The following CYTH1 variants were observed in gnomAD, a reference collection of about 807,000 sequenced individuals.
The protein encoded by CYTH1 is cytohesin 1.
In CYTH1, 18 loss-of-function variants were observed where a neutral mutation model predicts 61.8. That is an observed-to-expected ratio of 0.29 (90% CI 0.20 to 0.43). The LOEUF (loss-of-function observed/expected upper bound fraction) is 0.43. Ranked by LOEUF, CYTH1 falls within the 20% of genes least tolerant of loss-of-function variation. The probability of loss-of-function intolerance (pLI) is 1.00; values close to 1 mark genes in which losing one functional copy is unlikely to be tolerated. For missense variants in CYTH1, 336 were observed against 510.5 expected, an observed-to-expected ratio of 0.66 and a Z score of 3.29; for synonymous variants, 174 against 184.3, an observed-to-expected ratio of 0.94 and a Z score of 0.45.
chr17:78,690,124 CTG>C (rs2092863634), intron 11 of CYTH1, among the ~76,000 whole-genome samples: 1 of 151,900 alleles, frequency 6.6e-6, no homozygotes, highest in African/African-American at 2.4e-5. Flanking sequence ...AGCATCCTCT[CTG>C]TGTCTTAAGA....
At chr17:78,714,214 C>T (rs2093161857) in intron 1 of CYTH1, among the ~76,000 whole-genome samples, 1 of 152,038 alleles carries the variant, frequency 6.6e-6, no homozygotes, top group African/African-American at 2.4e-5. Flanking sequence ...CGCTTGAACC[C>T]CAGAGGTGGA....
intron 10 of CYTH1, among the ~76,000 whole-genome samples, chr17:78,694,943 G>C (rs1440618439): frequency 1.3e-5 from 2 of 152,096 alleles, no homozygotes; most frequent in Non-Finnish European, 1.5e-5. Flanking sequence ...TGTGCGCCTA[G>C]GACAGTCCCT....
chr17:78,693,125 T>C (rs1425197573), intron 10 of CYTH1, among the ~76,000 whole-genome samples: 1 of 152,090 alleles, frequency 6.6e-6, no homozygotes, highest in Admixed American at 6.5e-5. Flanking sequence ...TGGGTGAGAA[T>C]CAAAGCAGAA....
chr17:78,711,290 AAATAAATAAATAAT>A (rs774070752), intron 1 of CYTH1, among the ~76,000 whole-genome samples: 3,136 of 122,388 alleles, frequency 0.026, 74 homozygotes, highest in Middle Eastern at 0.05. Flanking sequence ...ATAAATAAAT[AAATAAATAAATAAT>A]ATATATATAT....
intron 1 of CYTH1, among the ~76,000 whole-genome samples, chr17:78,778,214 C>A (rs866915601): frequency 7.1e-6 from 1 of 141,772 alleles, no homozygotes; most frequent in Admixed American, 7.5e-5. Context: ...GAGGGAGAAT[C>A]GCATGAACCC....
At chr17:78,703,342 T>C (rs1483768749) in intron 3 of CYTH1, among the ~76,000 whole-genome samples, 1 of 144,280 alleles carries the variant, frequency 6.9e-6, no homozygotes, top group Non-Finnish European at 1.5e-5. Flanking sequence ...AATTTGGGAG[T>C]TGGAGGTTGG....
At chr17:78,677,277 G>A (rs1402474521) in intron 13 of CYTH1, 3 of 362,014 alleles carry the variant, frequency 8.3e-6, no homozygotes, top group Middle Eastern at 9.4e-4. Context: ...CAACCCTTTC[G>A]GGTAAGCTGG....
intron 1 of CYTH1, among the ~76,000 whole-genome samples, chr17:78,713,183 A>G (rs147846994): frequency 1.2e-3 from 183 of 151,666 alleles, no homozygotes; most frequent in Middle Eastern, 6.8e-3. Flanking sequence ...AACAACATCA[A>G]CTCTACTGAT....
chr17:78,756,295 T>TG (rs1223244465), intron 1 of CYTH1, among the ~76,000 whole-genome samples: 1 of 151,948 alleles, frequency 6.6e-6, no homozygotes, highest in Admixed American at 6.6e-5. Context: ...AGGCTGGTCT[T>TG]GAACACCTGA....
intron 1 of CYTH1, among the ~76,000 whole-genome samples, chr17:78,748,828 G>A (rs2093368809): frequency 6.6e-6 from 1 of 152,076 alleles, no homozygotes; most frequent in Admixed American, 6.6e-5. Flanking sequence ...TTGCTCTCCT[G>A]CCTTACTAAT....
At chr17:78,698,091 G>A (rs1298621023) in intron 9 of CYTH1, among the ~76,000 whole-genome samples, 178 bp downstream of exon 9, 1 of 152,120 alleles carries the variant, frequency 6.6e-6, no homozygotes, top group Admixed American at 6.5e-5. Flanking sequence ...TTCCTACATG[G>A]TGCGTGTGTG....
intron 11 of CYTH1, among the ~76,000 whole-genome samples, chr17:78,689,024 A>G (rs7225601): frequency 0.58 from 88,098 of 152,048 alleles, 25,695 homozygotes; most frequent in African/African-American, 0.64. Context: ...GGGTTGGTGG[A>G]TGGGCTTACC....
intron 1 of CYTH1, among the ~76,000 whole-genome samples, chr17:78,754,344 G>A (rs1199214144): frequency 6.6e-6 from 1 of 151,640 alleles, no homozygotes; most frequent in African/African-American, 2.4e-5. Flanking sequence ...GGGGTTTTTT[G>A]TTTTCTTTTT....
At chr17:78,753,341 A>G (rs2093387916) in intron 1 of CYTH1, among the ~76,000 whole-genome samples, 1 of 152,088 alleles carries the variant, frequency 6.6e-6, no homozygotes, top group Non-Finnish European at 1.5e-5. Flanking sequence ...AACAAGTCAC[A>G]AGGCCGGTGC....
At chr17:78,739,877 A>C (rs2093335271) in intron 1 of CYTH1, among the ~76,000 whole-genome samples, 1 of 152,142 alleles carries the variant, frequency 6.6e-6, no homozygotes, top group African/African-American at 2.4e-5. Flanking sequence ...TGTAAAAGAG[A>C]GAAGTCAAGG....
chr17:78,730,134 T>C (rs2093285317), intron 1 of CYTH1, among the ~76,000 whole-genome samples: 1 of 152,154 alleles, frequency 6.6e-6, no homozygotes, highest in Non-Finnish European at 1.5e-5. Context: ...TGATTTCGTA[T>C]GTGGTCTCTC....
intron 11 of CYTH1, among the ~76,000 whole-genome samples, chr17:78,681,991 T>C (rs142862527): frequency 6.6e-5 from 10 of 152,170 alleles, no homozygotes; most frequent in African/African-American, 1.9e-4. Context: ...ATCTCCAAAA[T>C]ACCATATTAG....
At position 78,700,974 on chromosome 17, in the gene CYTH1, A is replaced by C. The variant is rs2093002758; in HGVS notation, c.438-531T>G. On this transcript the variant is annotated intron_variant, in intron 6 of 13. Transcript: ENST00000446868. This position sits in a 1 kb window ranked among gnomAD's most constrained non-coding sequence, Gnocchi z 5.1. ...AAATTTTTCTTAGGAAAAAGTGAAAAATTAGGAGGGAAACAATCCCTACTG... is the reference window on the plus strand; with the variant it reads ...AAATTTTTCTTAGGAAAAAGTGAAACATTAGGAGGGAAACAATCCCTACTG... 6.6e-6 allele frequency among the ~76,000 whole-genome samples: 1 copy of C among 152,246 alleles called. No homozygotes were observed.
At chr17:78,747,827 T>C (rs1449620864) in intron 1 of CYTH1, among the ~76,000 whole-genome samples, 1 of 152,214 alleles carries the variant, frequency 6.6e-6, no homozygotes, top group African/African-American at 2.4e-5. Flanking sequence ...ACTTTGGGGT[T>C]CTTATGAAAA....
Sources: gnomAD v4.1 joint callset for allele counts (sites outside exome capture counted in the v4.1 genomes callset) on GRCh38, gnomAD v4.1.1 for gene constraint, Gnocchi (gnomAD v3.1) non-coding constraint, MANE v1.5 for transcripts, NCBI Gene and HGNC (gene_info 2026-07-23, HGNC 2026-07-21) for gene names.